Variants in CPPED1 observed in about 807,000 individuals in gnomAD.
The protein encoded by CPPED1 is serine/threonine-protein phosphatase CPPED1.
A neutral mutation model predicts 28.0 loss-of-function variants in CPPED1; 28 were observed. The observed-to-expected ratio is 1.00, with a 90% CI of 0.74 to 1.37. CPPED1 has a LOEUF of 1.37. Ranked by LOEUF, CPPED1 falls within the 40% of genes most tolerant of loss-of-function variation. CPPED1 has a pLI of 0.00. For missense variants in CPPED1, 504 were observed against 416.5 expected (o/e 1.21, Z -1.83); for synonymous variants, 198 against 180.2 (o/e 1.10, Z -0.79).
At chr16:12,695,410 G>A (rs1199872772) in intron 3 of CPPED1, among the ~76,000 whole-genome samples, 2 of 149,822 alleles carry the variant, frequency 1.3e-5, no homozygotes, top group Non-Finnish European at 2.9e-5. Context: ...GACCACAGGT[G>A]CATACTATTA....
intron 1 of CPPED1, among the ~76,000 whole-genome samples, chr16:12,784,979 C>T (rs1567306076): frequency 6.6e-6 from 1 of 152,190 alleles, no homozygotes; most frequent in Non-Finnish European, 1.5e-5. Context: ...TAAACGACAG[C>T]TCACATATCA....
intron 2 of CPPED1, among the ~76,000 whole-genome samples, chr16:12,741,689 G>A (rs1347631013): frequency 6.6e-6 from 1 of 152,154 alleles, no homozygotes; most frequent in African/African-American, 2.4e-5. Flanking sequence ...GCACTTTCCA[G>A]TATATGATGG....
intron 3 of CPPED1, among the ~76,000 whole-genome samples, chr16:12,676,999 C>T (rs2079880934): frequency 6.6e-6 from 1 of 152,122 alleles, no homozygotes; most frequent in South Asian, 2.1e-4. Flanking sequence ...CACTAAAACA[C>T]CTGCCAAGTA....
chr16:12,724,615 T>A (rs1038202009), intron 2 of CPPED1, among the ~76,000 whole-genome samples: 1 of 152,172 alleles, frequency 6.6e-6, no homozygotes, highest in South Asian at 2.1e-4. Flanking sequence ...TTGTGGTATC[T>A]TATGCAAGAG....
At chr16:12,792,930 A>T (rs990656796) in intron 1 of CPPED1, among the ~76,000 whole-genome samples, 2 of 152,048 alleles carry the variant, frequency 1.3e-5, no homozygotes, top group Non-Finnish European at 2.9e-5. Flanking sequence ...ACGGATTAGT[A>T]CACTTCCCCT....
At chr16:12,722,535 C>T (rs979871090) in intron 2 of CPPED1, among the ~76,000 whole-genome samples, 26 of 152,194 alleles carry the variant, frequency 1.7e-4, no homozygotes, top group Admixed American at 1.6e-3. Flanking sequence ...CCCCAGAGTT[C>T]AGACCAGCCT....
At chr16:12,668,711 G>T (rs563615473) in intron 3 of CPPED1, among the ~76,000 whole-genome samples, 1 of 152,310 alleles carries the variant, frequency 6.6e-6, no homozygotes, top group South Asian at 2.1e-4. Context: ...TACACAAATG[G>T]CCGATAATTA....
chr16:12,789,107 G>C (rs2141243489), intron 1 of CPPED1, among the ~76,000 whole-genome samples: 1 of 152,252 alleles, frequency 6.6e-6, no homozygotes, highest in African/African-American at 2.4e-5. Flanking sequence ...TGGCTTTCTG[G>C]ATTCTCTTGG....
chr16:12,779,449 C>T lies in CPPED1; in HGVS notation c.289+1736G>A, dbSNP rs560855737. 2.1e-3 allele frequency among the ~76,000 whole-genome samples: 314 copies of T among 151,838 alleles called. 2 individuals carry two copies. The highest frequency in any genetic ancestry group is 6.7e-3 in the African/African-American group (278 of 41,392). The stretch of plus-strand genomic sequence containing the variant: ...TATCACCCAGTCTGGAGTGCAGTGG[C>T]GCGATCTCAGCTCACTGCAATCTCT... On this transcript the variant is annotated intron_variant, in intron 2 of 3. Transcript: ENST00000381774.
chr16:12,783,704 A>G (rs1242569362), intron 1 of CPPED1, among the ~76,000 whole-genome samples: 3 of 152,016 alleles, frequency 2.0e-5, no homozygotes, highest in Non-Finnish European at 4.4e-5. Context: ...TCCCTTCTTA[A>G]TTCCTTTTTC....
chr16:12,722,660 A>C (rs1312292273), intron 2 of CPPED1, among the ~76,000 whole-genome samples: 1 of 152,140 alleles, frequency 6.6e-6, no homozygotes, highest in African/African-American at 2.4e-5. Context: ...GGGGAGGTCA[A>C]GTCTGCAGTG....
At chr16:12,693,501 AT>A (rs369398517) in intron 3 of CPPED1, among the ~76,000 whole-genome samples, 10 of 149,296 alleles carry the variant, frequency 6.7e-5, no homozygotes, top group Admixed American at 1.3e-4. Context: ...TGGCCATGCT[AT>A]TTTTTTTTTA....
At chr16:12,686,423 A>T (rs775755231) in intron 3 of CPPED1, among the ~76,000 whole-genome samples, 2 of 152,188 alleles carry the variant, frequency 1.3e-5, no homozygotes, top group African/African-American at 2.4e-5. Context: ...CCTACAAAAT[A>T]ACAGAGTTCC....
chr16:12,714,256 T>A (rs2080095360), intron 2 of CPPED1, among the ~76,000 whole-genome samples: 1 of 152,212 alleles, frequency 6.6e-6, no homozygotes, highest in Admixed American at 6.5e-5. Context: ...ACGTGCAAGT[T>A]TTTCACATGT....
intron 1 of CPPED1, among the ~76,000 whole-genome samples, chr16:12,786,577 C>T (rs1471039638): frequency 6.6e-6 from 1 of 152,190 alleles, no homozygotes; most frequent in East Asian, 1.9e-4. Context: ...ACTATCTAGT[C>T]ATCACCCTTT....
chr16:12,704,119 G>A (rs2080035096), intron 3 of CPPED1, among the ~76,000 whole-genome samples: 1 of 152,192 alleles, frequency 6.6e-6, no homozygotes, highest in Non-Finnish European at 1.5e-5. Flanking sequence ...ATACTGGAGG[G>A]CAGCTTGACT....
chr16:12,724,364 CCTT>C (rs910215977), intron 2 of CPPED1, among the ~76,000 whole-genome samples: 8 of 152,336 alleles, frequency 5.3e-5, no homozygotes, highest in African/African-American at 1.7e-4. Context: ...AGAGCACACT[CCTT>C]CTCCCGGGGC....
chr16:12,787,439 T>C (rs2080570830), intron 1 of CPPED1, among the ~76,000 whole-genome samples: 1 of 148,116 alleles, frequency 6.8e-6, no homozygotes, highest in African/African-American at 2.5e-5. Context: ...GGAGTCTCAC[T>C]CTGTCACTCA....
In CPPED1 at chr16:12,664,186, G is replaced by A. The variant is rs182670678; in HGVS notation, c.*700C>T. On this transcript the variant is annotated 3_prime_UTR_variant, in exon 4 of 4. Coordinates refer to ENST00000381774, the MANE Select transcript of CPPED1 (RefSeq NM_018340.3). The surrounding 1 kb of genome is among the most constrained non-coding windows in gnomAD (Gnocchi z 4.2). Reference sequence around the variant, plus strand: ...GAAGAAGCGGCGTTTTAGAGCTTTGGTTTCAGTCTCTTGGAGGAGATTTTC... The same window carrying A: ...GAAGAAGCGGCGTTTTAGAGCTTTGATTTCAGTCTCTTGGAGGAGATTTTC... The A allele has an allele frequency of 5.6e-6, 1 of 177,498 alleles. No homozygotes were observed. The highest frequency in any genetic ancestry group is 1.1e-5 in the Non-Finnish European group (1 of 91,092). The allele number at this position is 177,498 out of a possible 1,614,324, so 11.0% of individuals were successfully genotyped here. A position where few individuals can be genotyped will look rare whatever the true frequency, so the allele number is the denominator to read the frequency against.
Sources: allele counts gnomAD v4.1 joint callset (sites outside exome capture counted in the v4.1 genomes callset), GRCh38; gene constraint gnomAD v4.1.1; non-coding constraint Gnocchi (gnomAD v3.1); transcripts MANE v1.5; gene names NCBI Gene and HGNC (gene_info 2026-07-23, HGNC 2026-07-21).